The following SH3PXD2B variants were observed in gnomAD, a reference collection of about 807,000 sequenced individuals.
SH3PXD2B encodes SH3 and PX domains 2B.
Under a neutral mutation model 73.1 loss-of-function variants are expected in SH3PXD2B, and 37 were observed. The observed-to-expected ratio is 0.51, with a 90% CI of 0.39 to 0.67. The LOEUF is 0.67. Among genes scored for constraint, SH3PXD2B ranks in the 30% least tolerant of loss-of-function variants. The pLI, the probability that SH3PXD2B is intolerant of heterozygous loss-of-function variation, is 0.00. For synonymous variants in SH3PXD2B, 457 were observed against 480.5 expected, an observed-to-expected ratio of 0.95 and a Z score of 0.64; for missense variants, 1,053 against 1,197.8, an observed-to-expected ratio of 0.88 and a Z score of 1.78.
rs146385561 is a variant in SH3PXD2B, at chr5:172,346,235, C to A, written c.1089G>T (p.Pro363=). The A allele has an allele frequency of 1.2e-6, 2 of 1,613,954 alleles. No individual in the cohort carries two copies. Among genetic ancestry groups the A allele is most frequent in the Non-Finnish European group, 1.7e-6 (2 of 1,179,998 alleles). The change falls in exon 12 of 13, where the codon CCG becomes CCT. Residue 363 remains proline, a synonymous_variant. Coordinates refer to ENST00000311601, the MANE Select transcript of SH3PXD2B (RefSeq NM_001017995.3). The part of the protein sequence containing the change: ...TIPRGLNLPK[P]PIPPQVEEEY... The stretch of plus-strand genomic sequence containing the variant: ...CTTCCTCCACTTGGGGCGGGATGGG[C>A]GGCTTCGGCAGGTTGAGGCCTCGAG...
At chr5:172,396,070 G>C (rs1442062652) in intron 3 of SH3PXD2B, among the ~76,000 whole-genome samples, 1 of 151,912 alleles carries the variant, frequency 6.6e-6, no homozygotes, top group South Asian at 2.1e-4. Flanking sequence ...AGTCTAGTAA[G>C]GATTGGGCGT....
intron 6 of SH3PXD2B, among the ~76,000 whole-genome samples, chr5:172,370,157 G>T (rs969257041): frequency 1.3e-5 from 2 of 152,076 alleles, no homozygotes; most frequent in African/African-American, 4.8e-5. Context: ...TCTACACAAG[G>T]CTCCAGGCAT....
At chr5:172,355,819 T>C (rs1370154632) in intron 8 of SH3PXD2B, among the ~76,000 whole-genome samples, 1 of 152,060 alleles carries the variant, frequency 6.6e-6, no homozygotes, top group East Asian at 1.9e-4. Flanking sequence ...GCTGGGACTA[T>C]AGGTGTGAGC....
chr5:172,406,396 C>G (rs1160659526), intron 2 of SH3PXD2B, 44 bp from the exon 3 acceptor site: 1 of 1,574,740 alleles, frequency 6.4e-7, no homozygotes, highest in East Asian at 2.2e-5. Flanking sequence ...TTTCATAATG[C>G]ACTAAACATC....
At position 172,333,803 on chromosome 5, in the gene SH3PXD2B, A is replaced by C. The variant is rs1367498893; in HGVS notation, c.*4566T>G. 4 of 1,288,644 alleles carry C rather than the reference A, an allele frequency of 3.1e-6. No homozygotes were observed. In the African/African-American group the frequency reaches 4.6e-5, roughly 15 times the overall value. 79.8% of individuals were successfully genotyped at this position (1,288,644 alleles called of 1,614,324 possible). ...AGGTAAGAAATGGCCTGTTACTTGG[A>C]AGCTCCCCAAAGCAGGAAATGTGGG... On this transcript the variant is annotated 3_prime_UTR_variant, in exon 13 of 13. Coordinates refer to ENST00000311601, the MANE Select transcript of SH3PXD2B (RefSeq NM_001017995.3).
chr5:172,352,308 T>G (rs1415342181), intron 9 of SH3PXD2B, among the ~76,000 whole-genome samples: 2 of 152,202 alleles, frequency 1.3e-5, no homozygotes, highest in African/African-American at 4.8e-5. Context: ...CATCGCAGCC[T>G]CAAACTCTTG....
intron 1 of SH3PXD2B, among the ~76,000 whole-genome samples, chr5:172,440,844 G>A (rs1759537840): frequency 6.6e-6 from 1 of 152,184 alleles, no homozygotes; most frequent in South Asian, 2.1e-4. Context: ...TTAAGTGGGG[G>A]TCCTAGAGAA....
Position 172,339,546 on chromosome 5 carries a change from G to A in SH3PXD2B, c.1559C>T (p.Pro520Leu), listed in dbSNP as rs1427448254. The change falls in exon 13 of 13, where the codon CCC becomes CTC. Residue 520 changes from proline (P) to leucine (L), a missense_variant. Physicochemically the swap from Pro to Leu is moderately conservative, Grantham distance 98. Around this residue, in one of 2 missense-constraint regions of SH3PXD2B, gnomAD observed 587 missense variants for 590.7 expected, o/e 0.99. Transcript: ENST00000311601. This position sits in a 1 kb window ranked among gnomAD's most constrained non-coding sequence, Gnocchi z 6.1. ...EISDPDMEEK[P>L]SLPPRKESII... ...GGATTCTTTCCGCGGAGGGAGGCTG[G>A]GCTTCTCCTCCATGTCGGGGTCTGA... 6.2e-7 allele frequency: 1 copy of A among 1,614,202 alleles called. No homozygotes were observed. The highest frequency in any genetic ancestry group is 1.1e-5 in the South Asian group (1 of 91,090).
chr5:172,336,162 C>A lies in SH3PXD2B; in HGVS notation c.*2207G>T. Reference sequence around the variant, plus strand: ...CACAGAGTAGACACTCACAAAGTATCTGAAAGCGTCGCTGAAAGGCAAAGA... The same window carrying A: ...CACAGAGTAGACACTCACAAAGTATATGAAAGCGTCGCTGAAAGGCAAAGA... On this transcript the variant is annotated 3_prime_UTR_variant, in exon 13 of 13. Transcript: ENST00000311601. 1.0e-6 allele frequency: 1 copy of A among 986,162 alleles called. No homozygotes were observed. The highest frequency in any genetic ancestry group is 1.2e-6 in the Non-Finnish European group (1 of 830,472). The allele number at this position is 986,162 out of a possible 1,614,324, so 61.1% of individuals were successfully genotyped here. A position where few individuals can be genotyped will look rare whatever the true frequency, so the allele number is the denominator to read the frequency against.
intron 5 of SH3PXD2B, among the ~76,000 whole-genome samples, chr5:172,378,331 C>A (rs866701705): frequency 1.3e-5 from 2 of 152,222 alleles, no homozygotes; most frequent in Admixed American, 6.5e-5. Flanking sequence ...GGGCCGCCAG[C>A]GCGGGGCTTC....
In SH3PXD2B at chr5:172,338,829, G is replaced by C. The variant is rs1756769177; in HGVS notation, c.2276C>G (p.Pro759Arg). ...EAPQQRPVVP[P>R]RRPPPPKKTS... The stretch of plus-strand genomic sequence containing the variant: ...TTTCTTTGGGGGAGGTGGTCTGCGG[G>C]GTGGGACCACAGGTCTCTGCTGGGG... Residue 759 changes from proline to arginine, a missense_variant, in exon 13 of 13, where the codon CCC becomes CGC. Coordinates refer to ENST00000311601, the MANE Select transcript of SH3PXD2B (RefSeq NM_001017995.3). This position sits in a 1 kb window ranked among gnomAD's most constrained non-coding sequence, Gnocchi z 5.1. 3 of 1,613,954 alleles carry C rather than the reference G, an allele frequency of 1.9e-6. No individual in the cohort carries two copies. The highest frequency in any genetic ancestry group is 2.5e-6 in the Non-Finnish European group (3 of 1,179,948).
chr5:172,339,124 C>T lies in SH3PXD2B; in HGVS notation c.1981G>A (p.Val661Ile). The T allele has an allele frequency of 6.2e-7, 1 of 1,614,284 alleles. No individual in the cohort carries two copies. The highest frequency in any genetic ancestry group is 8.5e-7 in the Non-Finnish European group (1 of 1,180,058). Residue 661 changes from valine (V) to isoleucine (I), a missense_variant, in exon 13 of 13, where the codon GTC becomes ATC. By Grantham distance (29) the Val-to-Ile change is conservative. Coordinates refer to ENST00000311601, the MANE Select transcript of SH3PXD2B (RefSeq NM_001017995.3). This position sits in a 1 kb window ranked among gnomAD's most constrained non-coding sequence, Gnocchi z 6.1. ...TTACTCCTGAGGTTGCAGATGTCGA[C>T]TTGGTCTTCGCCCTGAGGTGGCTCC... Reference protein sequence around the residue: ...KTEPPQGEDQVDICNLRSKLR... With the variant: ...KTEPPQGEDQIDICNLRSKLR...
chr5:172,427,268 A>T (rs1294803373), intron 1 of SH3PXD2B, among the ~76,000 whole-genome samples: 1 of 152,232 alleles, frequency 6.6e-6, no homozygotes, highest in Non-Finnish European at 1.5e-5. Context: ...GTATGATTAC[A>T]GGAGGTACCT....
intron 1 of SH3PXD2B, among the ~76,000 whole-genome samples, chr5:172,431,797 CT>C (rs1425509812): frequency 6.6e-6 from 1 of 152,118 alleles, no homozygotes; most frequent in Non-Finnish European, 1.5e-5. Flanking sequence ...GGGTTAGGGT[CT>C]TTCGAGCCTA....
Position 172,418,165 on chromosome 5 carries a change from C to T in SH3PXD2B, c.156+4251G>A, listed in dbSNP as rs188136954. Among the ~76,000 whole-genome samples, 233 of 152,310 alleles carry T rather than the reference C, an allele frequency of 1.5e-3. 1 individual carries two copies. The highest frequency in any genetic ancestry group is 5.1e-3 in the African/African-American group (213 of 41,570). ...GGCTCACTAGCTGTGTGACTTCGGG[C>T]GAACCACTTAACCTCTCTGAGCCTG... On this transcript the variant is annotated intron_variant, in intron 2 of 12. Coordinates refer to ENST00000311601, the MANE Select transcript of SH3PXD2B (RefSeq NM_001017995.3).
chr5:172,327,125 G>A (rs188601355), intron 12 of SH3PXD2B, among the ~76,000 whole-genome samples: 4 of 152,228 alleles, frequency 2.6e-5, no homozygotes, highest in South Asian at 2.1e-4. Context: ...CTCCCAAAGT[G>A]TTGGGATTAC....
chr5:172,394,511 G>C (rs1190779928), intron 4 of SH3PXD2B, 52 bp downstream of exon 4: 1 of 1,590,232 alleles, frequency 6.3e-7, no homozygotes, highest in African/African-American at 1.3e-5. Context: ...AAAAAGAAAA[G>C]AAAACAGAAT....
intron 1 of SH3PXD2B, among the ~76,000 whole-genome samples, chr5:172,426,460 G>A (rs1372349825): frequency 6.6e-6 from 1 of 152,234 alleles, no homozygotes; most frequent in Non-Finnish European, 1.5e-5. Flanking sequence ...GCCAACACCT[G>A]GCACGCACTA....
rs779954039 is a variant in SH3PXD2B, at chr5:172,339,709, G to GGCCCGTGGCTTCGCT, written c.1381_1395dup (p.Ser461_Gly465dup). 4 of 1,614,232 alleles carry GGCCCGTGGCTTCGCT rather than the reference G, an allele frequency of 2.5e-6. No individual in the cohort carries two copies. The East Asian group carries it at 8.9e-5, about 36-fold the overall frequency. Reference sequence around the variant, plus strand: ...GGTGCGTCAGGCAGGGGCCGGGAGGGGCCCGTGGCTTCGCTGCCCGTGTTG... The same window carrying GGCCCGTGGCTTCGCT: ...GGTGCGTCAGGCAGGGGCCGGGAGGGGCCCGTGGCTTCGCTGCCCGTGGCTTCGCTGCCCGTGTTG... On this transcript the variant is annotated inframe_insertion, in exon 13 of 13. Transcript: ENST00000311601. This position sits in a 1 kb window ranked among gnomAD's most constrained non-coding sequence, Gnocchi z 6.1.
Sources: allele counts gnomAD v4.1 joint callset (sites outside exome capture counted in the v4.1 genomes callset), GRCh38; gene constraint gnomAD v4.1.1; regional missense constraint gnomAD v4.1.1; non-coding constraint Gnocchi (gnomAD v3.1); transcripts MANE v1.5; gene names NCBI Gene and HGNC (gene_info 2026-07-23, HGNC 2026-07-21).